The following NPLOC4 variants were observed in gnomAD, a reference collection of about 807,000 sequenced individuals.
The protein encoded by NPLOC4 is NPL4 homolog, ubiquitin recognition factor.
Under a neutral mutation model 80.6 loss-of-function variants are expected in NPLOC4, and 18 were observed. The ratio of observed to expected loss-of-function variants is 0.22; its 90% confidence interval spans 0.15 to 0.33. The LOEUF (loss-of-function observed/expected upper bound fraction) is 0.33. Ranked by LOEUF, NPLOC4 falls within the 10% of genes least tolerant of loss-of-function variation. The pLI, the probability that NPLOC4 is intolerant of heterozygous loss-of-function variation, is 1.00. For synonymous variants in NPLOC4, 313 were observed against 301.5 expected (o/e 1.04, Z -0.39); for missense variants, 540 against 786.1 (o/e 0.69, Z 3.74).
chr17:81,612,585 G>T (rs1443851905), intron 4 of NPLOC4: 2 of 152,166 alleles, frequency 1.3e-5, no homozygotes, highest in Non-Finnish European at 2.9e-5. Flanking sequence ...CGCAAAGTCA[G>T]CACCCCGTCA....
intron 3 of NPLOC4, among the ~76,000 whole-genome samples, chr17:81,617,018 G>A (rs1406006370): frequency 1.3e-5 from 2 of 152,104 alleles, no homozygotes; most frequent in Non-Finnish European, 2.9e-5. Flanking sequence ...AGGTCCCACC[G>A]ATGCATCTAC....
rs952989406 is a variant in NPLOC4 at position 81,636,802 on chromosome 17, A to C, written c.15+114T>G. ...ACTACAGAGAAAGCCCTGGCGAGAG[A>C]AGAGAAAGGGGCCGAGTCGCGGCGC... On this transcript the variant is annotated intron_variant, in intron 1 of 16. Transcript: ENST00000331134. 57 of 1,134,098 alleles carry C rather than the reference A, an allele frequency of 5.0e-5. No individual in the cohort carries two copies. In the East Asian group the frequency reaches 1.9e-3, roughly 37 times the overall value. The allele number at this position is 1,134,098 out of a possible 1,614,324, so 70.3% of individuals were successfully genotyped here.
At chr17:81,581,505 C>T (rs1176624850) in intron 12 of NPLOC4, among the ~76,000 whole-genome samples, 1 of 152,192 alleles carries the variant, frequency 6.6e-6, no homozygotes, top group Non-Finnish European at 1.5e-5. Flanking sequence ...GAGGAATAAG[C>T]CCTGTGGACG....
At chr17:81,589,951 G>A (rs1163569729) in intron 11 of NPLOC4, among the ~76,000 whole-genome samples, 1 of 152,116 alleles carries the variant, frequency 6.6e-6, no homozygotes, top group East Asian at 1.9e-4. Context: ...AATAACACCA[G>A]GGGTGTAAAC....
At chr17:81,607,369 C>T (rs868586319) in intron 6 of NPLOC4, among the ~76,000 whole-genome samples, 4 of 150,058 alleles carry the variant, frequency 2.7e-5, no homozygotes, top group South Asian at 4.2e-4. Context: ...TTCTTTTTCT[C>T]CAGCTTTATT....
intron 8 of NPLOC4, 96 bp from the exon 9 acceptor site, chr17:81,600,523 T>C (rs2035034618): frequency 1.2e-6 from 1 of 862,862 alleles, no homozygotes; most frequent in Non-Finnish European, 1.9e-6. Flanking sequence ...TCACAAGGAG[T>C]GCTGGGGGCC....
chr17:81,633,932 T>C (rs575315695), intron 1 of NPLOC4, among the ~76,000 whole-genome samples: 2 of 151,638 alleles, frequency 1.3e-5, no homozygotes, highest in Non-Finnish European at 2.9e-5. Flanking sequence ...AGTGGTGCGA[T>C]CTCGGCTCAC....
rs535115786 is a variant in NPLOC4, at chr17:81,611,409, G to A, written c.387-1151C>T. Among the ~76,000 whole-genome samples the A allele has an allele frequency of 1.1e-3, 173 of 151,262 alleles. 1 individual carries two copies. In the Middle Eastern group the frequency reaches 0.014, roughly 12 times the overall value. The stretch of plus-strand genomic sequence containing the variant: ...CTGTCACCCAGGCTGGAGTGCAGAG[G>A]TATGATCTCGGCTCCATGCAACCTC... On this transcript the variant is annotated intron_variant, in intron 4 of 16. Transcript: ENST00000331134.
intron 9 of NPLOC4, among the ~76,000 whole-genome samples, chr17:81,600,120 G>A (rs2035025043): frequency 6.6e-6 from 1 of 151,728 alleles, no homozygotes; most frequent in South Asian, 2.1e-4. Context: ...TTATGCTCAA[G>A]AAAATGTTCT....
chr17:81,585,511 A>C (rs1015371270), intron 12 of NPLOC4, among the ~76,000 whole-genome samples: 3 of 151,994 alleles, frequency 2.0e-5, no homozygotes, highest in Non-Finnish European at 4.4e-5. Flanking sequence ...AAAATTTAAA[A>C]GTTAGCCAGG....
rs1028688391 is a variant in NPLOC4, at chr17:81,595,732, T to C, written c.1120+384A>G. Reference sequence around the variant, plus strand: ...GCTAATTTTTATATTTATAAAGAGATGGGGTTTCGCTATGTTGGCCAGGCT... The same window carrying C: ...GCTAATTTTTATATTTATAAAGAGACGGGGTTTCGCTATGTTGGCCAGGCT... On this transcript the variant is annotated intron_variant, in intron 11 of 16. Transcript: ENST00000331134. Among the ~76,000 whole-genome samples the C allele has an allele frequency of 3.3e-5, 5 of 151,682 alleles. No individual in the cohort carries two copies. The East Asian group carries it at 5.9e-4, about 18-fold the overall frequency.
intron 10 of NPLOC4, among the ~76,000 whole-genome samples, chr17:81,596,848 C>T (rs550338933): frequency 2.0e-5 from 3 of 152,246 alleles, no homozygotes; most frequent in East Asian, 3.9e-4. Context: ...GGCATGGTGG[C>T]TCACACCTGT....
At chr17:81,613,552 G>T in intron 3 of NPLOC4, 58 bp from the exon 4 acceptor site, 1 of 1,522,964 alleles carries the variant, frequency 6.6e-7, no homozygotes, top group Non-Finnish European at 8.9e-7. Context: ...CTTCATGGAA[G>T]CCCAACTTGG....
Position 81,577,183 on chromosome 17 carries a change from C to T in NPLOC4, c.1282-5095G>A, listed in dbSNP as rs943171476. The stretch of plus-strand genomic sequence containing the variant: ...TGGCTCCTTGAAGGAACGCTGTTCC[C>T]TTGCTGCTCCTATGTCCCCTCAGCT... On this transcript the variant is annotated intron_variant, in intron 12 of 16. Coordinates refer to ENST00000331134, the MANE Select transcript of NPLOC4 (RefSeq NM_017921.4). This position sits in a 1 kb window ranked among gnomAD's most constrained non-coding sequence, Gnocchi z 4.3. 6.6e-6 allele frequency among the ~76,000 whole-genome samples: 1 copy of T among 152,044 alleles called. No homozygotes were observed.
chr17:81,626,115 C>T (rs1242759724), intron 2 of NPLOC4, among the ~76,000 whole-genome samples: 1 of 150,630 alleles, frequency 6.6e-6, no homozygotes, highest in Non-Finnish European at 1.5e-5. Context: ...CGCCACTGCA[C>T]TCCAGCCCAA....
chr17:81,625,076 G>T (rs1483331516), intron 2 of NPLOC4, among the ~76,000 whole-genome samples: 4 of 152,206 alleles, frequency 2.6e-5, no homozygotes, highest in Non-Finnish European at 5.9e-5. Flanking sequence ...GATGGGACAG[G>T]ATGGTGGGGA....
chr17:81,599,299 A>AT (rs1319035602), intron 9 of NPLOC4, among the ~76,000 whole-genome samples: 1 of 152,042 alleles, frequency 6.6e-6, no homozygotes, highest in East Asian at 1.9e-4. Context: ...AAAAAAAAAT[A>AT]AAATAAAATA....
rs530508734 is a variant in NPLOC4 at position 81,606,911 on chromosome 17, G to A, written c.531-97C>T. The A allele has an allele frequency of 5.2e-5, 60 of 1,153,384 alleles. No individual in the cohort carries two copies. The South Asian group carries it at 6.4e-4, about 12-fold the overall frequency. 71.4% of individuals were successfully genotyped at this position (1,153,384 alleles called of 1,614,324 possible). ...AAGTATCTTATACCTCCTGAACAGT[G>A]TCTCAGGAGCTAAGCACGTGGCAGC... On this transcript the variant is annotated intron_variant, in intron 6 of 16. Transcript: ENST00000331134.
At chr17:81,606,878 G>C (rs560991831) in intron 6 of NPLOC4, 64 bp from the exon 7 acceptor site, 1 of 1,485,792 alleles carries the variant, frequency 6.7e-7, no homozygotes, top group Non-Finnish European at 9.3e-7. Context: ...GGCTGGAAAT[G>C]ACATGCTAAG....
Sources: allele counts gnomAD v4.1 joint callset (sites outside exome capture counted in the v4.1 genomes callset), GRCh38; gene constraint gnomAD v4.1.1; non-coding constraint Gnocchi (gnomAD v3.1); transcripts MANE v1.5; gene names NCBI Gene and HGNC (gene_info 2026-07-23, HGNC 2026-07-21).